Variants in C2CD3 observed in about 807,000 individuals in gnomAD.
C2CD3 encodes the protein C2 domain-containing protein 3.
Under a neutral mutation model 234.0 loss-of-function variants are expected in C2CD3, and 148 were observed. That is an observed-to-expected ratio of 0.63 (90% CI 0.55 to 0.72). The LOEUF is 0.72. C2CD3 is among the 30% of genes least tolerant of loss of function. The pLI is 0.00. For synonymous variants in C2CD3, 1,000 were observed against 1,035.4 expected, an observed-to-expected ratio of 0.97 and a Z score of 0.66; for missense variants, 2,577 against 2,811.5, an observed-to-expected ratio of 0.92 and a Z score of 1.89.
Position 74,103,201 on chromosome 11 carries a change from A to C in C2CD3, c.2510T>G (p.Phe837Cys), listed in dbSNP as rs1482226529. 1 of 1,614,214 alleles carries C rather than the reference A, an allele frequency of 6.2e-7. No individual in the cohort carries two copies. The highest frequency in any genetic ancestry group is 1.7e-5 in the Admixed American group (1 of 60,034). ...AGATCTGGTGACTTCCTCTGTGCTG[A>C]AGAGTTTACAATTTAAATAAACATT... Reference protein sequence around the residue: ...PCNVYLNCKLFSTEEVTRSVI... With the variant: ...PCNVYLNCKLCSTEEVTRSVI... The change falls in exon 14 of 33, where the codon TTC (phenylalanine) becomes TGC (cysteine). Residue 837 changes from phenylalanine (F) to cysteine (C), a missense_variant. Transcript: ENST00000334126.
intron 7 of C2CD3, among the ~76,000 whole-genome samples, chr11:74,125,818 T>C (rs946259669): frequency 7.9e-5 from 12 of 152,194 alleles, no homozygotes; most frequent in African/African-American, 2.7e-4. Flanking sequence ...AAATTTCCTT[T>C]GAGAGAACTT....
intron 29 of C2CD3, among the ~76,000 whole-genome samples, chr11:74,038,582 G>C (rs1952857120): frequency 6.6e-6 from 1 of 152,150 alleles, no homozygotes; most frequent in African/African-American, 2.4e-5. Flanking sequence ...GATGGACTCT[G>C]TTCCAGCTGG....
At chr11:74,096,170 A>G (rs1956099251) in intron 16 of C2CD3, among the ~76,000 whole-genome samples, 1 of 152,016 alleles carries the variant, frequency 6.6e-6, no homozygotes, top group African/African-American at 2.4e-5. Flanking sequence ...AGAGCTAGTA[A>G]CAGTGGAACC....
chr11:74,085,659 G>T lies in C2CD3; in HGVS notation c.3869C>A (p.Ala1290Glu). ...ATGATAGACAGCAAAAATAACTTCT[G>T]CAAACTCCAACAACTCTGCTAGGAA... ...ACFLAELLEF[A>E]EVIFAVYHEN... Residue 1290 changes from alanine to glutamate, a missense_variant, in exon 21 of 33, where the codon GCA becomes GAA. Coordinates refer to ENST00000334126, the MANE Select transcript of C2CD3 (RefSeq NM_001286577.2). 6.2e-7 allele frequency: 1 copy of T among 1,614,082 alleles called. No individual in the cohort carries two copies. The highest frequency in any genetic ancestry group is 8.5e-7 in the Non-Finnish European group (1 of 1,180,016).
At position 74,139,619 on chromosome 11, in the gene C2CD3, T is replaced by C. The variant is rs1238177206; in HGVS notation, c.693A>G (p.Arg231=). ...ATGGTAATTACCTCGGAGTGGTTGA[T>C]CTACTGCTGTTGGCTGCTAACTCTT... The part of the protein sequence containing the change: ...DGKELAANSS[R]STTPRGKDHV... Residue 231 remains arginine (R), a synonymous_variant, in exon 4 of 33, where the codon AGA becomes AGG. Coordinates refer to ENST00000334126, the MANE Select transcript of C2CD3 (RefSeq NM_001286577.2). 1.2e-6 allele frequency: 2 copies of C among 1,612,488 alleles called. No individual in the cohort carries two copies. The highest frequency in any genetic ancestry group is 1.3e-5 in the African/African-American group (1 of 74,872).
At chr11:74,040,345 G>C (rs1012671204) in intron 29 of C2CD3, among the ~76,000 whole-genome samples, 3 of 152,036 alleles carry the variant, frequency 2.0e-5, no homozygotes, top group Non-Finnish European at 4.4e-5. Context: ...GTGCCAAAAA[G>C]GTTGGGGCTG....
chr11:74,128,957 A>T, intron 7 of C2CD3: 1 of 284,134 alleles, frequency 3.5e-6, no homozygotes, highest in Non-Finnish European at 6.7e-6. Flanking sequence ...TTCTACACAG[A>T]CACAGCAACC....
At chr11:74,078,922 T>C (rs763328134) in intron 22 of C2CD3, among the ~76,000 whole-genome samples, 1 of 152,216 alleles carries the variant, frequency 6.6e-6, no homozygotes. Flanking sequence ...AGTTGGAAGA[T>C]CTGAGTTCTC....
intron 24 of C2CD3, among the ~76,000 whole-genome samples, chr11:74,063,941 G>C (rs965369517): frequency 2.0e-5 from 3 of 152,024 alleles, no homozygotes; most frequent in Admixed American, 2.0e-4. Flanking sequence ...GGGTACATGT[G>C]CACAATGTGC....
intron 9 of C2CD3, 60 bp downstream of exon 9, chr11:74,118,168 A>T (rs914319039): frequency 1.4e-5 from 19 of 1,387,154 alleles, no homozygotes; most frequent in Non-Finnish European, 1.7e-5. Context: ...ACCTTGGGAG[A>T]TCTTGTGAAA....
intron 31 of C2CD3, among the ~76,000 whole-genome samples, chr11:74,032,563 C>G (rs143963318): frequency 6.6e-6 from 1 of 152,268 alleles, no homozygotes; most frequent in Non-Finnish European, 1.5e-5. Flanking sequence ...AGCTCCATCA[C>G]TTCCTTTTTT....
In C2CD3 at chr11:74,103,100, C is replaced by A. The variant is rs919523442; in HGVS notation, c.2580+31G>T. ...GGCATTTGTCTCTCACCCCTATATT[C>A]CTCTAATGGATATGGAATGTACAAA... On this transcript the variant is annotated intron_variant, in intron 14 of 32. Transcript: ENST00000334126. 2.5e-6 allele frequency: 4 copies of A among 1,580,072 alleles called. No homozygotes were observed. In the Admixed American group the frequency reaches 5.3e-5, roughly 21 times the overall value.
chr11:74,064,129 T>G (rs1954389788), intron 24 of C2CD3, among the ~76,000 whole-genome samples: 1 of 149,556 alleles, frequency 6.7e-6, no homozygotes, highest in Non-Finnish European at 1.5e-5. Flanking sequence ...TTCCCACCTA[T>G]AAGTGAGAAC....
chr11:74,154,501 C>T (rs1341113988), intron 3 of C2CD3, among the ~76,000 whole-genome samples: 1 of 151,918 alleles, frequency 6.6e-6, no homozygotes, highest in African/African-American at 2.4e-5. Context: ...ACTTATAGCC[C>T]TAATGTTAAA....
At chr11:74,047,491 G>A (rs1238995222) in intron 28 of C2CD3, among the ~76,000 whole-genome samples, 1 of 152,160 alleles carries the variant, frequency 6.6e-6, no homozygotes, top group Non-Finnish European at 1.5e-5. Context: ...TTTGTACAGA[G>A]GACCAAGGAT....
intron 28 of C2CD3, among the ~76,000 whole-genome samples, chr11:74,043,397 C>A (rs1953170798): frequency 6.6e-6 from 1 of 152,220 alleles, no homozygotes; most frequent in Non-Finnish European, 1.5e-5. Context: ...AGTTGACGGG[C>A]ATGAGTTGCT....
intron 12 of C2CD3, among the ~76,000 whole-genome samples, chr11:74,106,754 A>C (rs140399163): frequency 2.4e-4 from 37 of 152,342 alleles, no homozygotes; most frequent in Admixed American, 8.5e-4. Context: ...ACTAAGAGTT[A>C]ATTCTTACTC....
At chr11:74,092,339 A>T in intron 19 of C2CD3, 77 bp downstream of exon 19, 1 of 1,362,850 alleles carries the variant, frequency 7.3e-7, no homozygotes, top group South Asian at 1.2e-5. Flanking sequence ...AGAGGTGTGA[A>T]CCACCGCACC....
At chr11:74,037,906 C>T (rs1952818824) in intron 29 of C2CD3, among the ~76,000 whole-genome samples, 1 of 152,138 alleles carries the variant, frequency 6.6e-6, no homozygotes, top group African/African-American at 2.4e-5. Flanking sequence ...ACTTTCTCCC[C>T]CTTTTGTCTG....
Sources: allele counts gnomAD v4.1 joint callset (sites outside exome capture counted in the v4.1 genomes callset), GRCh38; gene constraint gnomAD v4.1.1; transcripts MANE v1.5; gene names NCBI Gene and HGNC (gene_info 2026-07-23, HGNC 2026-07-21).